GTPBP6: variants seen among roughly 807,000 people sequenced by gnomAD.
The protein encoded by GTPBP6 is putative GTP-binding protein 6.
A neutral mutation model predicts 28.9 loss-of-function variants in GTPBP6; 33 were observed. That is an observed-to-expected ratio of 1.14 (90% confidence interval 0.87 to 1.53). The LOEUF (loss-of-function observed/expected upper bound fraction) is 1.53, where lower values mean the gene tolerates loss of function less well. Ranked by LOEUF, GTPBP6 falls within the 40% of genes most tolerant of loss-of-function variation. The pLI is 0.00. For missense variants in GTPBP6, 507 were observed against 408.3 expected (o/e 1.24, Z -2.08); for synonymous variants, 231 against 192.7 (o/e 1.20, Z -1.65).
chrX:307,817 G>A, exon 8 of GTPBP6: 3 of 1,554,114 alleles, frequency 1.9e-6, no homozygotes, highest in Non-Finnish European at 2.6e-6. Context: ...AGCGTGGACA[G>A]AACGCTGCAT....
chrX:308,508 G>A (rs1235682480), intron 7 of GTPBP6, among the ~76,000 whole-genome samples: 3 of 152,050 alleles, frequency 2.0e-5, no homozygotes, highest in South Asian at 2.1e-4. Flanking sequence ...GAGTGAGGCC[G>A]TTTCTACAGA....
intron 4 of GTPBP6, among the ~76,000 whole-genome samples, 171 bp downstream of exon 4, chrX:314,719 G>T (rs1453875158): frequency 9.2e-5 from 14 of 151,906 alleles, no homozygotes; most frequent in African/African-American, 2.9e-4. Flanking sequence ...CTCGTGATCC[G>T]CCCACCTCGG....
chrX:317,986 G>A, intron 1 of GTPBP6, among the ~76,000 whole-genome samples: 1 of 119,642 alleles, frequency 8.4e-6, no homozygotes, highest in African/African-American at 3.3e-5. Context: ...TCCCCTCAGA[G>A]CCCCGCCCCT....
chrX:313,213 A>G (rs2070351610), intron 5 of GTPBP6, among the ~76,000 whole-genome samples: 1 of 152,242 alleles, frequency 6.6e-6, no homozygotes. Flanking sequence ...TCCGAGCGGG[A>G]CACGGCCCAG....
At chrX:305,368 C>G (rs1239256544) in intron 9 of GTPBP6, among the ~76,000 whole-genome samples, 171 bp from the exon 10 acceptor site, 2 of 146,990 alleles carry the variant, frequency 1.4e-5, no homozygotes, top group African/African-American at 5.3e-5. Flanking sequence ...GTCGCGTAGG[C>G]TGGAGTGCAG....
At chrX:317,082 C>G in intron 1 of GTPBP6, 31 bp from the exon 2 acceptor site, 1 of 397,798 alleles carries the variant, frequency 2.5e-6, no homozygotes, top group Non-Finnish European at 4.4e-6. Flanking sequence ...CCGTGAGAGA[C>G]GCTTCTGCCC....
chrX:315,810 GC>G (rs2070424906), intron 2 of GTPBP6, among the ~76,000 whole-genome samples: 1 of 2,430 alleles, frequency 4.1e-4, no homozygotes, highest in Admixed American at 7.9e-3. Context: ...ACATACACAC[GC>G]AGACACACAC....
chrX:305,333 T>C, intron 9 of GTPBP6, 136 bp from the exon 10 acceptor site: 2 of 739,282 alleles, frequency 2.7e-6, no homozygotes. Context: ...TGTTTTTTTT[T>C]TTTTTTGAGA....
At chrX:317,697 CCCCACCCCA>C (rs2070464064) in intron 1 of GTPBP6, among the ~76,000 whole-genome samples, 1 of 9,608 alleles carries the variant, frequency 1.0e-4, no homozygotes, top group African/African-American at 4.2e-4. Context: ...GCCCACCCAA[CCCCACCCCA>C]CCCCACCCCA....
chrX:317,715 CACCCCACCCCACCCCACGG>C (rs1256134416), intron 1 of GTPBP6, among the ~76,000 whole-genome samples: 2 of 131,180 alleles, frequency 1.5e-5, no homozygotes, highest in African/African-American at 6.0e-5. Flanking sequence ...CACCCCACCC[CACCCCACCCCACCCCACGG>C]ACCCCACGGG....
At chrX:305,707 C>T (rs1341896343) in intron 9 of GTPBP6, among the ~76,000 whole-genome samples, 2 of 149,810 alleles carry the variant, frequency 1.3e-5, no homozygotes, top group Non-Finnish European at 2.9e-5. Flanking sequence ...TCACTGCAAC[C>T]TCGGCCTCCT....
intron 4 of GTPBP6, among the ~76,000 whole-genome samples, chrX:314,664 G>A (rs1184057250): frequency 6.6e-6 from 1 of 151,996 alleles, no homozygotes; most frequent in African/African-American, 2.4e-5. Context: ...TTTTAGTACA[G>A]ACGGGGTTTC....
chrX:307,208 G>A (rs2070188975), intron 9 of GTPBP6, among the ~76,000 whole-genome samples, 152 bp downstream of exon 9: 1 of 152,032 alleles, frequency 6.6e-6, no homozygotes. Context: ...AGTCACAAAT[G>A]TACATTTGAT....
intron 4 of GTPBP6, 133 bp from the exon 5 acceptor site, chrX:314,350 C>G (rs2070384269): frequency 1.3e-6 from 1 of 757,962 alleles, no homozygotes. Flanking sequence ...CGGCCCCGCT[C>G]CGCGTGTAGC....
Position 307,419 on chromosome X carries a change from CA to C in GTPBP6, c.1367del (p.Leu456Ter). ...TGAGGATCTGTCTCCCCGTCGCCTTCAAAACCGCCGCATCGAGCTCAGCTTT... is the reference window on the plus strand; with the variant it reads ...TGAGGATCTGTCTCCCCGTCGCCTTCAAACCGCCGCATCGAGCTCAGCTTT... On this transcript the variant is annotated frameshift_variant, in exon 9 of 10. Coordinates refer to ENST00000326153, the Ensembl canonical transcript of GTPBP6. LOFTEE classifies it high-confidence loss of function. The C allele has an allele frequency of 6.2e-7, 1 of 1,612,406 alleles. No homozygotes were observed.
intron 9 of GTPBP6, among the ~76,000 whole-genome samples, chrX:306,355 C>T (rs1042246566): frequency 2.1e-5 from 3 of 143,150 alleles, no homozygotes; most frequent in East Asian, 2.0e-4. Flanking sequence ...GTTGTATGCA[C>T]AGAAATGTAC....
intron 5 of GTPBP6, among the ~76,000 whole-genome samples, chrX:313,125 C>T (rs1473264599): frequency 3.3e-5 from 5 of 152,234 alleles, no homozygotes; most frequent in South Asian, 4.1e-4. Context: ...ATCTCGCCTC[C>T]GGGTGTCCAC....
At chrX:305,382 C>T (rs988964321) in intron 9 of GTPBP6, among the ~76,000 whole-genome samples, 185 bp from the exon 10 acceptor site, 14 of 145,928 alleles carry the variant, frequency 9.6e-5, no homozygotes, top group African/African-American at 1.3e-4. Flanking sequence ...AGTGCAGTGG[C>T]GCGATCTCAG....
At chrX:312,532 C>T (rs757492520) in intron 6 of GTPBP6, 2 of 695,074 alleles carry the variant, frequency 2.9e-6, no homozygotes, top group South Asian at 1.5e-5. Flanking sequence ...ACATCCTCAC[C>T]TTGGCTGCTG....
Sources: gnomAD v4.1 joint callset for allele counts (sites outside exome capture counted in the v4.1 genomes callset) on GRCh38, gnomAD v4.1.1 for gene constraint, MANE v1.5 for transcripts, NCBI Gene and HGNC (gene_info 2026-07-23, HGNC 2026-07-21) for gene names.